Variants in ZNF69 observed in about 807,000 individuals in gnomAD.
ZNF69 encodes ZNF3.
A neutral mutation model predicts 50.9 loss-of-function variants in ZNF69; 47 were observed. That is an observed-to-expected ratio of 0.92 (90% CI 0.73 to 1.18). The LOEUF (loss-of-function observed/expected upper bound fraction) is 1.18. Ranked by LOEUF, ZNF69 falls within the 50% of genes most tolerant of loss-of-function variation. ZNF69 has a pLI of 0.00. For synonymous variants in ZNF69, 216 were observed against 223.1 expected (o/e 0.97, Z 0.29); for missense variants, 717 against 675.1 (o/e 1.06, Z -0.69).
chr19:11,967,953 A>G, the ZNF69 span, among the ~76,000 whole-genome samples: 1 of 152,226 alleles, frequency 6.6e-6, no homozygotes, highest in African/African-American at 2.4e-5. Context: ...ATTAAAACAT[A>G]ACTATAATTA....
At chr19:11,921,319 G>A in the ZNF69 span, among the ~76,000 whole-genome samples, 1 of 151,914 alleles carries the variant, frequency 6.6e-6, no homozygotes, top group Non-Finnish European at 1.5e-5. Flanking sequence ...AAAGGCACAT[G>A]CCACTATGCC....
chr19:11,902,058 C>A (rs934253824), intron 1 of ZNF69, among the ~76,000 whole-genome samples: 1 of 150,202 alleles, frequency 6.7e-6, no homozygotes, highest in Non-Finnish European at 1.5e-5. Context: ...CTTGGCTCAC[C>A]GCAACCTCCT....
In ZNF69 at chr19:11,905,326, G is replaced by A. The variant is rs760470712; in HGVS notation, c.929G>A (p.Gly310Glu). 10 of 1,614,148 alleles carry A rather than the reference G, an allele frequency of 6.2e-6. No individual in the cohort carries two copies. The South Asian group carries it at 9.9e-5, about 16-fold the overall frequency. ...GEKAYQCKEC[G>E]KAFTCPQYVR... is the part of the protein sequence containing the mutation. ...AAGGCTTATCAATGTAAGGAATGTG[G>A]AAAAGCATTCACGTGTCCCCAGTAT... The change falls in exon 4 of 4, where the codon GGA becomes GAA. Residue 310 changes from glycine (G) to glutamate (E), a missense_variant. Transcript: ENST00000429654.
the ZNF69 span, among the ~76,000 whole-genome samples, chr19:11,944,743 C>T: frequency 2.4e-4 from 37 of 152,198 alleles, no homozygotes; most frequent in Non-Finnish European, 3.7e-4. Flanking sequence ...GTATGCCAGC[C>T]GGGACGGTTG....
chr19:11,940,914 T>G, the ZNF69 span, among the ~76,000 whole-genome samples: 4 of 151,738 alleles, frequency 2.6e-5, no homozygotes. Context: ...GAGTGTCGAT[T>G]GGTGCATTCA....
the ZNF69 span, chr19:11,979,107 TAA>T: frequency 1.9e-6 from 3 of 1,613,700 alleles, no homozygotes; most frequent in African/African-American, 4.0e-5. Context: ...AAAGACCTTA[TAA>T]ATGTTAGATA....
chr19:11,903,172 C>T (rs1054852476), intron 1 of ZNF69, among the ~76,000 whole-genome samples: 2 of 152,088 alleles, frequency 1.3e-5, no homozygotes, highest in Admixed American at 1.3e-4. Context: ...TGGTGGCTCA[C>T]GCCTGTAATC....
intron 1 of ZNF69, among the ~76,000 whole-genome samples, chr19:11,891,283 C>G (rs554009384): frequency 6.6e-6 from 1 of 151,500 alleles, no homozygotes; most frequent in Non-Finnish European, 1.5e-5. Context: ...AAAAATTAGC[C>G]GGGTGTGGTG....
At chr19:11,962,418 G>A in the ZNF69 span, among the ~76,000 whole-genome samples, 6 of 152,272 alleles carry the variant, frequency 3.9e-5, no homozygotes, top group Non-Finnish European at 7.4e-5. Context: ...AGGCTGGAGT[G>A]CAGTGGTGGG....
At chr19:11,978,245 T>G in the ZNF69 span, 2,653 of 1,614,092 alleles carry the variant, frequency 1.6e-3, 34 homozygotes, top group African/African-American at 0.03. Context: ...AATCATGTGA[T>G]AACTTTGTAT....
the ZNF69 span, among the ~76,000 whole-genome samples, chr19:11,941,224 A>G: frequency 4.6e-5 from 7 of 152,266 alleles, no homozygotes; most frequent in Admixed American, 4.6e-4. Context: ...AGGAGCCCAG[A>G]TGGCTTCACC....
At chr19:11,973,208 C>A in the ZNF69 span, among the ~76,000 whole-genome samples, 1 of 152,098 alleles carries the variant, frequency 6.6e-6, no homozygotes. Flanking sequence ...TCTTTTGCCA[C>A]CCCTATTTAT....
chr19:11,919,823 A>C, the ZNF69 span, among the ~76,000 whole-genome samples: 1 of 152,032 alleles, frequency 6.6e-6, no homozygotes, highest in African/African-American at 2.4e-5. Context: ...AAGATGTTGG[A>C]CTCCCGAAGC....
the ZNF69 span, among the ~76,000 whole-genome samples, chr19:11,967,650 A>G: frequency 6.6e-6 from 1 of 152,026 alleles, no homozygotes. Context: ...TGATCCACCC[A>G]CCTCGGCCTC....
chr19:11,934,778 C>T, the ZNF69 span, among the ~76,000 whole-genome samples: 3 of 148,092 alleles, frequency 2.0e-5, no homozygotes, highest in Middle Eastern at 6.8e-3. Flanking sequence ...CCACCTGCCT[C>T]GGCTTCCCAA....
At chr19:11,888,129 C>T in intron 1 of ZNF69, 143 bp downstream of exon 1, 1 of 653,368 alleles carries the variant, frequency 1.5e-6, no homozygotes, top group East Asian at 3.4e-5. Context: ...GGCCCTCGGT[C>T]CCCTCGACTG....
chr19:11,920,480 A>T, the ZNF69 span, among the ~76,000 whole-genome samples: 1 of 152,138 alleles, frequency 6.6e-6, no homozygotes, highest in Non-Finnish European at 1.5e-5. Context: ...AGTTCTCACT[A>T]TGTTGCCCAA....
chr19:11,929,226 C>T, the ZNF69 span, among the ~76,000 whole-genome samples: 1 of 148,450 alleles, frequency 6.7e-6, no homozygotes, highest in Non-Finnish European at 1.5e-5. Flanking sequence ...AGTGCAGGCG[C>T]GATCTCAGCT....
At chr19:11,924,446 A>G in the ZNF69 span, among the ~76,000 whole-genome samples, 13 of 151,946 alleles carry the variant, frequency 8.6e-5, no homozygotes, top group Middle Eastern at 6.8e-3. Flanking sequence ...AAAAAAAAAA[A>G]AAAAGAAAGA....
Sources: gnomAD v4.1 joint callset for allele counts (sites outside exome capture counted in the v4.1 genomes callset) on GRCh38, gnomAD v4.1.1 for gene constraint, MANE v1.5 for transcripts, NCBI Gene and HGNC (gene_info 2026-07-23, HGNC 2026-07-21) for gene names.